Variants in POLA2 observed in about 807,000 individuals in gnomAD.
POLA2 encodes DNA polymerase alpha 2, accessory subunit.
POLA2 carries 47 observed loss-of-function variants against 82.8 expected under a neutral mutation model. That is an observed-to-expected ratio of 0.57 (90% CI 0.45 to 0.72). The LOEUF is 0.72. Ranked by LOEUF, POLA2 falls within the 30% of genes least tolerant of loss-of-function variation. The pLI is 0.00. For synonymous variants in POLA2, 287 were observed against 286.8 expected (o/e 1.00, Z -0.01); for missense variants, 634 against 728.1 (o/e 0.87, Z 1.49).
chr11:65,280,974 G>A lies in POLA2; in HGVS notation c.745-18G>A, dbSNP rs767530054. 1 of 1,612,510 alleles carries A rather than the reference G, an allele frequency of 6.2e-7. No individual in the cohort carries two copies. Among genetic ancestry groups the A allele is most frequent in the Non-Finnish European group, 8.5e-7 (1 of 1,179,442 alleles). ...CTCCAAAGACTGTCATTCTTATGCT[G>A]TGACCTTCCTTTGGTAGGAGCCTGT... On this transcript the variant is annotated intron_variant, in intron 7 of 17. Coordinates refer to ENST00000265465, the MANE Select transcript of POLA2 (RefSeq NM_002689.4).
chr11:65,271,554 G>A (rs971655187), intron 4 of POLA2, among the ~76,000 whole-genome samples: 2 of 152,162 alleles, frequency 1.3e-5, no homozygotes, highest in Non-Finnish European at 2.9e-5. Context: ...AGACTAAATT[G>A]TGAATCAAAG....
At chr11:65,296,146 G>A in intron 17 of POLA2, 156 bp downstream of exon 17, 2 of 746,934 alleles carry the variant, frequency 2.7e-6, no homozygotes, top group Admixed American at 2.2e-5. Flanking sequence ...GAGGTGGTGG[G>A]ACCAGAAAAC....
At chr11:65,265,507 G>T (rs763508420) in intron 1 of POLA2, among the ~76,000 whole-genome samples, 3 of 151,744 alleles carry the variant, frequency 2.0e-5, no homozygotes, top group East Asian at 1.9e-4. Context: ...CTGAGACAGG[G>T]TCTTGCTCTG....
At chr11:65,273,840 A>AG (rs1022651662) in intron 4 of POLA2, among the ~76,000 whole-genome samples, 3 of 151,588 alleles carry the variant, frequency 2.0e-5, no homozygotes, top group East Asian at 1.9e-4. Context: ...AATTCTCCCT[A>AG]GGGGGAAAAA....
rs773523358 is a variant in POLA2 at position 65,295,940 on chromosome 11, G to A, written c.1597G>A (p.Val533Ile). The A allele has an allele frequency of 2.5e-5, 41 of 1,614,034 alleles. No individual in the cohort carries two copies. The South Asian group carries it at 3.5e-4, about 14-fold the overall frequency. ...GTTCTATGTTTACGCACAGCTGCCT[G>A]TCACCCCAGATGTCCTCATCATCCC... ...ESFYVYAQLP[V>I]TPDVLIIPSE... Residue 533 changes from valine to isoleucine, a missense_variant, in exon 17 of 18, where the codon GTC (valine) becomes ATC (isoleucine). Coordinates refer to ENST00000265465, the MANE Select transcript of POLA2 (RefSeq NM_002689.4).
intron 4 of POLA2, among the ~76,000 whole-genome samples, chr11:65,273,479 CTG>C (rs998624429): frequency 6.6e-6 from 1 of 152,172 alleles, no homozygotes; most frequent in Non-Finnish European, 1.5e-5. Flanking sequence ...GAACACCAGA[CTG>C]TGCCTTGTTT....
chr11:65,298,034 A>G lies in POLA2; in HGVS notation c.*765A>G, dbSNP rs1302713283. On this transcript the variant is annotated 3_prime_UTR_variant, in exon 18 of 18. Coordinates refer to ENST00000265465, the MANE Select transcript of POLA2 (RefSeq NM_002689.4). ...GTCCAGAGAAGGCAGAGTGTCAGTC[A>G]CACTGGGTTTCTATCCAGCCCCAGT... 2 of 152,320 alleles carry G rather than the reference A, an allele frequency of 1.3e-5. No homozygotes were observed. The highest frequency in any genetic ancestry group is 6.5e-5 in the Admixed American group (1 of 15,270). 9.4% of individuals were successfully genotyped at this position (152,320 alleles called of 1,614,324 possible).
chr11:65,266,934 G>A (rs1359806935), intron 2 of POLA2, among the ~76,000 whole-genome samples: 4 of 152,176 alleles, frequency 2.6e-5, no homozygotes, highest in Non-Finnish European at 4.4e-5. Context: ...GGGGCTGGGC[G>A]CCGTGGCTCA....
intron 11 of POLA2, among the ~76,000 whole-genome samples, chr11:65,288,112 C>G (rs561138765): frequency 6.6e-6 from 1 of 152,180 alleles, no homozygotes; most frequent in Middle Eastern, 3.4e-3. Flanking sequence ...TCTAAGCCAG[C>G]CTGGCCAACA....
intron 1 of POLA2, among the ~76,000 whole-genome samples, chr11:65,264,364 T>C (rs1004983263): frequency 3.3e-5 from 5 of 152,058 alleles, no homozygotes; most frequent in Non-Finnish European, 2.9e-5. Context: ...CCACCACACC[T>C]GTTCTACTTT....
intron 11 of POLA2, 139 bp from the exon 12 acceptor site, chr11:65,288,911 T>C: frequency 1.3e-6 from 1 of 751,100 alleles, no homozygotes; most frequent in Non-Finnish European, 2.2e-6. Flanking sequence ...ATCTGCTAAC[T>C]GTCCCCAGGC....
chr11:65,262,277 C>A lies in POLA2; in HGVS notation c.-16C>A. 1.2e-6 allele frequency: 2 copies of A among 1,609,830 alleles called. No individual in the cohort carries two copies. The highest frequency in any genetic ancestry group is 1.7e-6 in the Non-Finnish European group (2 of 1,178,044). ...AGCTGGGTGGGCCGGCTCCCCGGCC[C>A]CTGGCTTGGGCGACCATGTCCGCAT... On this transcript the variant is annotated 5_prime_UTR_variant, in exon 1 of 18. Coordinates refer to ENST00000265465, the MANE Select transcript of POLA2 (RefSeq NM_002689.4).
intron 4 of POLA2, among the ~76,000 whole-genome samples, chr11:65,271,213 T>C (rs1949517826): frequency 6.6e-6 from 1 of 152,230 alleles, no homozygotes; most frequent in Admixed American, 6.5e-5. Context: ...TTGTTTTTAC[T>C]TGCTGCTGTT....
chr11:65,299,937 C>T (rs1042550407), downstream of POLA2, among the ~76,000 whole-genome samples: 9 of 151,944 alleles, frequency 5.9e-5, no homozygotes, highest in Non-Finnish European at 1.2e-4. Flanking sequence ...AGTGATCCAC[C>T]CGCCTCAGCA....
intron 1 of POLA2, among the ~76,000 whole-genome samples, chr11:65,263,673 C>T (rs536778572): frequency 4.3e-4 from 65 of 151,656 alleles, no homozygotes; most frequent in African/African-American, 1.4e-3. Context: ...ACTAAAAATA[C>T]AAAATTAGTC....
chr11:65,276,713 C>A (rs1372411502), intron 5 of POLA2, among the ~76,000 whole-genome samples: 1 of 152,018 alleles, frequency 6.6e-6, no homozygotes, highest in Non-Finnish European at 1.5e-5. Flanking sequence ...CAGGGAAACA[C>A]CAACTGCCAG....
rs763504403 is a variant in POLA2 at position 65,262,287 on chromosome 11, G to T, written c.-6G>T. On this transcript the variant is annotated 5_prime_UTR_variant, in exon 1 of 18. Transcript: ENST00000265465. ...GCCGGCTCCCCGGCCCCTGGCTTGG[G>T]CGACCATGTCCGCATCCGCCCAGCA... The T allele has an allele frequency of 6.2e-7, 1 of 1,611,772 alleles. No individual in the cohort carries two copies. The highest frequency in any genetic ancestry group is 1.7e-5 in the Admixed American group (1 of 59,884).
intron 5 of POLA2, among the ~76,000 whole-genome samples, chr11:65,277,263 G>A (rs1324094463): frequency 6.7e-6 from 1 of 149,930 alleles, no homozygotes; most frequent in Admixed American, 6.7e-5. Context: ...CTGTAGCCTT[G>A]GCCTTCCAGG....
At chr11:65,291,713 C>T (rs1026982477) in intron 13 of POLA2, among the ~76,000 whole-genome samples, 3 of 152,252 alleles carry the variant, frequency 2.0e-5, no homozygotes, top group Middle Eastern at 3.4e-3. Context: ...TTCCTTACCC[C>T]GTGTGGTATT....
Sources: gnomAD v4.1 joint callset for allele counts (sites outside exome capture counted in the v4.1 genomes callset) on GRCh38, gnomAD v4.1.1 for gene constraint, MANE v1.5 for transcripts, NCBI Gene and HGNC (gene_info 2026-07-23, HGNC 2026-07-21) for gene names.